The following MAGI2 variants were observed in gnomAD, a reference collection of about 807,000 sequenced individuals.
The protein encoded by MAGI2 is membrane-associated guanylate kinase, WW and PDZ domain-containing protein 2.
Under a neutral mutation model 133.3 loss-of-function variants are expected in MAGI2, and 35 were observed. The ratio of observed to expected loss-of-function variants is 0.26; its 90% CI spans 0.20 to 0.35. The LOEUF (loss-of-function observed/expected upper bound fraction) is 0.35. Among genes scored for constraint, MAGI2 ranks in the 10% least tolerant of loss-of-function variants. The pLI is 1.00. For missense variants in MAGI2, 1,636 were observed against 1,863.4 expected, an observed-to-expected ratio of 0.88 and a Z score of 2.25; for synonymous variants, 729 against 710.6, an observed-to-expected ratio of 1.03 and a Z score of -0.41.
At chr7:78,653,776 A>T (rs1185600253) in intron 2 of MAGI2, among the ~76,000 whole-genome samples, 20 of 1,840 alleles carry the variant, frequency 0.011, no homozygotes, top group African/African-American at 0.071. Context: ...GAAGTATGAT[A>T]AAAAAAAAAA....
At chr7:78,413,038 C>T (rs1047591652) in intron 6 of MAGI2, among the ~76,000 whole-genome samples, 28 of 152,044 alleles carry the variant, frequency 1.8e-4, no homozygotes, top group African/African-American at 6.8e-4. Flanking sequence ...CAGAGGGAGA[C>T]AGGGTTTAAA....
chr7:78,322,938 G>T (rs1200845257), intron 9 of MAGI2, among the ~76,000 whole-genome samples: 2 of 151,668 alleles, frequency 1.3e-5, no homozygotes, highest in African/African-American at 4.8e-5. Context: ...GAAGAATGCT[G>T]CCTTGTTATC....
intron 2 of MAGI2, among the ~76,000 whole-genome samples, chr7:78,737,436 C>A (rs1169853628): frequency 6.6e-6 from 1 of 152,150 alleles, no homozygotes; most frequent in Non-Finnish European, 1.5e-5. Context: ...TTCTACATTG[C>A]AACTAACCTT....
intron 9 of MAGI2, among the ~76,000 whole-genome samples, chr7:78,283,883 T>C (rs1795877165): frequency 1.3e-5 from 2 of 152,182 alleles, no homozygotes; most frequent in South Asian, 4.1e-4. Context: ...ATGTATTCTA[T>C]TTAATTTATG....
At chr7:79,452,910 C>T (rs1362502101) in intron 1 of MAGI2, 110 bp downstream of exon 1, 1 of 1,243,500 alleles carries the variant, frequency 8.0e-7, no homozygotes, top group African/African-American at 1.5e-5. Flanking sequence ...GGCCCCCACC[C>T]CATCATCGCG....
chr7:79,014,426 C>T (rs1808482428), intron 1 of MAGI2, among the ~76,000 whole-genome samples: 1 of 152,030 alleles, frequency 6.6e-6, no homozygotes, highest in Admixed American at 6.6e-5. Flanking sequence ...AAAACAATCT[C>T]AAGTATATCA....
At chr7:78,121,631 A>G (rs181763404) in intron 20 of MAGI2, among the ~76,000 whole-genome samples, 1 of 152,360 alleles carries the variant, frequency 6.6e-6, no homozygotes, top group Non-Finnish European at 1.5e-5. Context: ...TTTTTTACAT[A>G]TGCTAATACA....
chr7:78,740,940 G>A lies in MAGI2; in HGVS notation c.419-113701C>T, dbSNP rs566895882. Among the ~76,000 whole-genome samples the A allele has an allele frequency of 1.3e-4, 20 of 152,196 alleles. No individual in the cohort carries two copies. In the East Asian group the frequency reaches 2.7e-3, roughly 21 times the overall value. ...GGCCTTGGAAATAGAGAATGATGCC[G>A]CCCAATTCAGACAGAAATTGGTTAC... On this transcript the variant is annotated intron_variant, in intron 2 of 21. Transcript: ENST00000354212.
At chr7:78,305,600 T>C (rs947899738) in intron 9 of MAGI2, among the ~76,000 whole-genome samples, 9 of 152,154 alleles carry the variant, frequency 5.9e-5, no homozygotes, top group African/African-American at 2.2e-4. Context: ...ATCTCAGAAT[T>C]TGAAACCCCT....
At chr7:78,434,516 CTCT>C (rs1011228324) in intron 6 of MAGI2, among the ~76,000 whole-genome samples, 2 of 152,128 alleles carry the variant, frequency 1.3e-5, no homozygotes, top group African/African-American at 4.8e-5. Flanking sequence ...CAATTCCTCC[CTCT>C]TCTTCATAGG....
intron 1 of MAGI2, among the ~76,000 whole-genome samples, chr7:79,101,043 G>A (rs1232249427): frequency 6.6e-6 from 1 of 151,914 alleles, no homozygotes; most frequent in Non-Finnish European, 1.5e-5. Context: ...TGGGGCTTTA[G>A]AATATAGTTA....
At chr7:79,295,718 AT>A (rs934628383) in intron 1 of MAGI2, among the ~76,000 whole-genome samples, 10 of 151,054 alleles carry the variant, frequency 6.6e-5, no homozygotes, top group East Asian at 1.9e-4. Context: ...GAAAGCAGGA[AT>A]TTTTTTTTCA....
intron 2 of MAGI2, among the ~76,000 whole-genome samples, chr7:78,764,481 G>A (rs888995780): frequency 1.3e-5 from 2 of 152,148 alleles, no homozygotes; most frequent in African/African-American, 4.8e-5. Flanking sequence ...TTTATACTTA[G>A]GAAAGGAAAT....
intron 2 of MAGI2, among the ~76,000 whole-genome samples, chr7:78,896,030 T>C (rs1563637613): frequency 6.6e-6 from 1 of 152,202 alleles, no homozygotes; most frequent in Non-Finnish European, 1.5e-5. Flanking sequence ...ATGATTCTTT[T>C]TTCAAATCAG....
At chr7:79,135,399 C>T (rs529807541) in intron 1 of MAGI2, among the ~76,000 whole-genome samples, 28 of 152,224 alleles carry the variant, frequency 1.8e-4, no homozygotes, top group African/African-American at 6.5e-4. Flanking sequence ...AAGGAAGAAA[C>T]TCTCAGAGAC....
chr7:78,832,654 A>G (rs1791286493), intron 2 of MAGI2, among the ~76,000 whole-genome samples: 1 of 152,222 alleles, frequency 6.6e-6, no homozygotes, highest in South Asian at 2.1e-4. Context: ...AGGGGGAACT[A>G]GAAGAGTAAA....
chr7:78,162,002 G>A (rs1371725434), intron 15 of MAGI2, among the ~76,000 whole-genome samples: 1 of 142,062 alleles, frequency 7.0e-6, no homozygotes, highest in Non-Finnish European at 1.6e-5. Flanking sequence ...AGTTGTTATT[G>A]TCTTGGTGCA....
chr7:79,070,299 C>T (rs1814832030), intron 1 of MAGI2, among the ~76,000 whole-genome samples: 1 of 151,390 alleles, frequency 6.6e-6, no homozygotes, highest in South Asian at 2.1e-4. Flanking sequence ...AGTCTTTGTT[C>T]ATTTCTTTTC....
At chr7:78,601,195 C>T (rs370353900) in intron 3 of MAGI2, among the ~76,000 whole-genome samples, 3 of 151,948 alleles carry the variant, frequency 2.0e-5, no homozygotes, top group East Asian at 1.9e-4. Context: ...TTCTATGTGC[C>T]ACACACTATT....
Sources: allele counts gnomAD v4.1 joint callset (sites outside exome capture counted in the v4.1 genomes callset), GRCh38; gene constraint gnomAD v4.1.1; transcripts MANE v1.5; gene names NCBI Gene and HGNC (gene_info 2026-07-23, HGNC 2026-07-21).